ATF6: variants seen among roughly 807,000 people sequenced by gnomAD.
The protein encoded by ATF6 is cyclic AMP-dependent transcription factor ATF-6 alpha.
In ATF6, 53 loss-of-function variants were observed where a neutral mutation model predicts 83.6. The ratio of observed to expected loss-of-function variants is 0.63; its 90% CI spans 0.51 to 0.80. The LOEUF (loss-of-function observed/expected upper bound fraction) is 0.80. Ranked by LOEUF, ATF6 falls within the 30% of genes least tolerant of loss-of-function variation. The pLI, the probability that ATF6 is intolerant of heterozygous loss-of-function variation, is 0.00. For synonymous variants in ATF6, 288 were observed against 285.8 expected, an observed-to-expected ratio of 1.01 and a Z score of -0.08; for missense variants, 744 against 797.9, an observed-to-expected ratio of 0.93 and a Z score of 0.81.
chr1:161,823,181 T>A (rs944819385), intron 9 of ATF6, among the ~76,000 whole-genome samples: 71 of 152,110 alleles, frequency 4.7e-4, no homozygotes, highest in African/African-American at 1.6e-3. Context: ...AAATAAAAAA[T>A]TTTTAATTCA....
chr1:161,861,176 T>C (rs1296083344), intron 13 of ATF6, among the ~76,000 whole-genome samples: 1 of 152,176 alleles, frequency 6.6e-6, no homozygotes, highest in Non-Finnish European at 1.5e-5. Flanking sequence ...ATCACTGAAG[T>C]GAAATTTGAG....
At chr1:161,865,159 G>C (rs931847768) in intron 14 of ATF6, among the ~76,000 whole-genome samples, 1 of 151,328 alleles carries the variant, frequency 6.6e-6, no homozygotes, top group Admixed American at 6.6e-5. Flanking sequence ...GACAATCCTA[G>C]CTTTTTTTTT....
intron 14 of ATF6, among the ~76,000 whole-genome samples, chr1:161,904,115 A>G (rs1445468184): frequency 6.6e-6 from 1 of 152,154 alleles, no homozygotes. Context: ...TTTCTGAAAG[A>G]TACATAGTTA....
chr1:161,851,101 T>C (rs1372078707), intron 10 of ATF6, among the ~76,000 whole-genome samples: 1 of 151,712 alleles, frequency 6.6e-6, no homozygotes, highest in African/African-American at 2.4e-5. Flanking sequence ...CTTTCACTTT[T>C]CTCCTGCCAA....
chr1:161,941,812 A>G (rs148117884), intron 15 of ATF6, among the ~76,000 whole-genome samples: 10 of 152,278 alleles, frequency 6.6e-5, no homozygotes, highest in Non-Finnish European at 1.2e-4. Context: ...CTAAATGATG[A>G]CTTAAAGAAA....
intron 14 of ATF6, among the ~76,000 whole-genome samples, chr1:161,906,635 C>T (rs145765377): frequency 2.1e-4 from 32 of 152,310 alleles, no homozygotes; most frequent in African/African-American, 7.2e-4. Context: ...ACCTTGCCAG[C>T]ATTATCAGAT....
intron 14 of ATF6, among the ~76,000 whole-genome samples, chr1:161,878,692 A>G (rs532882793): frequency 1.1e-4 from 16 of 152,302 alleles, no homozygotes; most frequent in African/African-American, 3.8e-4. Flanking sequence ...GAGAAAACCA[A>G]GAGAAGAGAC....
intron 7 of ATF6, among the ~76,000 whole-genome samples, chr1:161,809,733 C>T (rs1185891393): frequency 6.6e-6 from 1 of 152,320 alleles, no homozygotes; most frequent in East Asian, 1.9e-4. Flanking sequence ...GATTGCCATT[C>T]TAACTGGTGT....
chr1:161,929,513 A>G (rs1688390454), intron 15 of ATF6, among the ~76,000 whole-genome samples: 1 of 152,212 alleles, frequency 6.6e-6, no homozygotes, highest in Non-Finnish European at 1.5e-5. Flanking sequence ...CCCTAGTTAC[A>G]AGGAAGTCTG....
At chr1:161,799,711 T>C (rs1685100663) in intron 6 of ATF6, among the ~76,000 whole-genome samples, 1 of 152,228 alleles carries the variant, frequency 6.6e-6, no homozygotes. Context: ...TTTTAGATCT[T>C]CTTATCTGGG....
chr1:161,959,659 G>C lies in ATF6; in HGVS notation c.*1005G>C, dbSNP rs912079415. ...CACTCCAGCCTGGGCGACAGAGCGA[G>C]ACTCCGTCTCAAAAAAAAAAAAAAA... On this transcript the variant is annotated 3_prime_UTR_variant, in exon 16 of 16. Transcript: ENST00000367942. The C allele has an allele frequency of 8.9e-6, 1 of 112,428 alleles. No homozygotes were observed. Among genetic ancestry groups the C allele is most frequent in the African/African-American group, 3.5e-5 (1 of 28,446 alleles). 7.0% of individuals were successfully genotyped at this position (112,428 alleles called of 1,614,324 possible).
chr1:161,820,641 G>A (rs181320353), intron 8 of ATF6, among the ~76,000 whole-genome samples: 14 of 152,172 alleles, frequency 9.2e-5, no homozygotes, highest in East Asian at 3.9e-4. Context: ...CCAGCTACTC[G>A]GGAGGCTGAG....
At chr1:161,846,276 T>C (rs1422693004) in intron 9 of ATF6, among the ~76,000 whole-genome samples, 173 bp from the exon 10 acceptor site, 5 of 152,240 alleles carry the variant, frequency 3.3e-5, no homozygotes. Flanking sequence ...CAGGTTACCA[T>C]GCTAAGGATT....
At chr1:161,955,748 G>C (rs1024109211) in intron 15 of ATF6, among the ~76,000 whole-genome samples, 4 of 152,180 alleles carry the variant, frequency 2.6e-5, no homozygotes, top group Non-Finnish European at 4.4e-5. Flanking sequence ...GAACTATCCA[G>C]CTTGTCACTC....
At chr1:161,824,351 G>C (rs1273155019) in intron 9 of ATF6, among the ~76,000 whole-genome samples, 1 of 144,240 alleles carries the variant, frequency 6.9e-6, no homozygotes, top group Admixed American at 7.1e-5. Flanking sequence ...TTTTAAAAAA[G>C]TGATTAAAAA....
intron 4 of ATF6, among the ~76,000 whole-genome samples, chr1:161,785,098 G>A (rs1051197387): frequency 9.2e-5 from 14 of 151,952 alleles, no homozygotes; most frequent in Non-Finnish European, 1.5e-4. Context: ...CCCTTAATTT[G>A]AGCCCTGTGA....
chr1:161,796,550 A>C (rs1685025913), intron 6 of ATF6, among the ~76,000 whole-genome samples: 1 of 152,196 alleles, frequency 6.6e-6, no homozygotes, highest in African/African-American at 2.4e-5. Context: ...TAGACCAAAT[A>C]ATTTATTTCA....
At chr1:161,846,087 G>A (rs1686480400) in intron 9 of ATF6, among the ~76,000 whole-genome samples, 1 of 152,046 alleles carries the variant, frequency 6.6e-6, no homozygotes, top group Non-Finnish European at 1.5e-5. Context: ...CCATCCAGGA[G>A]GCCTTCTTAT....
intron 15 of ATF6, among the ~76,000 whole-genome samples, chr1:161,947,668 CAT>C (rs1429509839): frequency 6.6e-6 from 1 of 152,034 alleles, no homozygotes; most frequent in African/African-American, 2.4e-5. Flanking sequence ...TTATCAGAGT[CAT>C]AAATGTTGCT....
Sources: gnomAD v4.1 joint callset for allele counts (sites outside exome capture counted in the v4.1 genomes callset) on GRCh38, gnomAD v4.1.1 for gene constraint, MANE v1.5 for transcripts, NCBI Gene and HGNC (gene_info 2026-07-23, HGNC 2026-07-21) for gene names.